The following APOD variants were observed in gnomAD, a reference collection of about 807,000 sequenced individuals.
APOD encodes apo-D.
A neutral mutation model predicts 20.4 loss-of-function variants in APOD; 22 were observed. That is an observed-to-expected ratio of 1.08 (90% CI 0.77 to 1.54). The LOEUF (loss-of-function observed/expected upper bound fraction) is 1.54, where lower values mean the gene tolerates loss of function less well. Among genes scored for constraint, APOD ranks in the 40% most tolerant of loss-of-function variants. APOD has a pLI of 0.00. For synonymous variants in APOD, 97 were observed against 92.4 expected, an observed-to-expected ratio of 1.05 and a Z score of -0.29; for missense variants, 223 against 229.6, an observed-to-expected ratio of 0.97 and a Z score of 0.19.
At chr3:195,579,776 G>A (rs1720304232) in intron 1 of APOD, among the ~76,000 whole-genome samples, 1 of 152,148 alleles carries the variant, frequency 6.6e-6, no homozygotes, top group South Asian at 2.1e-4. Context: ...GCATCTCCCA[G>A]GATGGGCACT....
At chr3:195,569,231 C>A in intron 4 of APOD, 96 bp from the exon 5 acceptor site, 3 of 979,304 alleles carry the variant, frequency 3.1e-6, no homozygotes, top group Non-Finnish European at 4.7e-6. Flanking sequence ...ACCCACCAAG[C>A]CCCCCACCTC....
chr3:195,573,896 A>G lies in APOD; in HGVS notation c.199T>C (p.Ser67Pro). ...ENGRCIQANY[S>P]LMENGKIKVL... is the part of the protein sequence containing the mutation. ...TTGATCTTTCCGTTTTCCATTAGTG[A>G]GTAGTTGGCCTGGATGCAGCGTCCA... Residue 67 changes from serine (S) to proline (P), a missense_variant, in exon 3 of 5, where the codon TCA (serine) becomes CCA (proline). Physicochemically the swap from Ser to Pro is moderately conservative, Grantham distance 74. Transcript: ENST00000343267. The G allele has an allele frequency of 1.2e-6, 2 of 1,614,154 alleles. No individual in the cohort carries two copies. The highest frequency in any genetic ancestry group is 1.7e-6 in the Non-Finnish European group (2 of 1,180,028).
chr3:195,579,371 G>A lies in APOD; in HGVS notation c.91C>T (p.Pro31Ser), dbSNP rs199897110. 31 of 1,614,150 alleles carry A rather than the reference G, an allele frequency of 1.9e-5. No individual in the cohort carries two copies. The East Asian group carries it at 5.3e-4, about 28-fold the overall frequency. Residue 31 changes from proline to serine, a missense_variant, in exon 2 of 5, where the codon CCT becomes TCT. Pro to Ser is a moderately conservative substitution (Grantham distance 74). Transcript: ENST00000343267. The part of the protein sequence containing the change: ...QAFHLGKCPN[P>S]PVQENFDVNK... ...ACGTCAAAATTCTCCTGCACCGGAG[G>A]ATTGGGGCACTTCCCAAGATGAAAT...
intron 1 of APOD, among the ~76,000 whole-genome samples, 190 bp from the exon 2 acceptor site, chr3:195,579,685 C>T (rs1006564547): frequency 1.1e-4 from 16 of 152,130 alleles, no homozygotes; most frequent in African/African-American, 3.9e-4. Context: ...TTCCTCAGAG[C>T]CTCTGCACCT....
At chr3:195,583,247 T>G (rs1275485900) in intron 1 of APOD, 1 of 152,186 alleles carries the variant, frequency 6.6e-6, no homozygotes, top group Non-Finnish European at 1.5e-5. Flanking sequence ...CAGGCTAGAA[T>G]GTAAGCCTAG....
intron 2 of APOD, among the ~76,000 whole-genome samples, chr3:195,575,721 G>A (rs772246384): frequency 6.6e-6 from 1 of 152,056 alleles, no homozygotes; most frequent in African/African-American, 2.4e-5. Flanking sequence ...TCTGCCTCCC[G>A]GGTGCAAGTG....
At chr3:195,576,630 C>T (rs1379391684) in intron 2 of APOD, among the ~76,000 whole-genome samples, 2 of 151,298 alleles carry the variant, frequency 1.3e-5, no homozygotes, top group Admixed American at 6.6e-5. Context: ...GCCAACATGG[C>T]GAGGCCCCAT....
chr3:195,576,399 G>A (rs1332706070), intron 2 of APOD, among the ~76,000 whole-genome samples: 1 of 152,186 alleles, frequency 6.6e-6, no homozygotes, highest in African/African-American at 2.4e-5. Flanking sequence ...AACTCTATCT[G>A]TTTGCAGATG....
intron 1 of APOD, among the ~76,000 whole-genome samples, chr3:195,581,215 G>A (rs1298208023): frequency 1.3e-5 from 2 of 152,174 alleles, no homozygotes; most frequent in African/African-American, 4.8e-5. Context: ...TGGGGTTGCT[G>A]CAGGGGGAGA....
chr3:195,574,186 C>G (rs780614538), intron 2 of APOD, among the ~76,000 whole-genome samples: 9 of 152,124 alleles, frequency 5.9e-5, no homozygotes, highest in Non-Finnish European at 1.2e-4. Context: ...GTAAAGGGCT[C>G]TTCTCAGGGC....
chr3:195,581,133 T>C (rs1720331146), intron 1 of APOD, among the ~76,000 whole-genome samples: 2 of 152,192 alleles, frequency 1.3e-5, no homozygotes. Flanking sequence ...AATCAATAGC[T>C]TTTTTTCCCC....
Position 195,568,766 on chromosome 3 carries a change from C to T in APOD, c.*134G>A. The T allele has an allele frequency of 1.5e-6, 1 of 661,886 alleles. No homozygotes were observed. Among genetic ancestry groups the T allele is most frequent in the South Asian group, 1.8e-5 (1 of 55,660 alleles). The allele number at this position is 661,886 out of a possible 1,614,324, so 41.0% of individuals were successfully genotyped here. On this transcript the variant is annotated 3_prime_UTR_variant, in exon 5 of 5. Coordinates refer to ENST00000343267, the MANE Select transcript of APOD (RefSeq NM_001647.4). ...GTTTATTTTGCAGCTAGCAAGGTAA[C>T]AGGGTAGGGCATGGTTACATGTTCA... is the stretch of plus-strand genomic sequence containing the variant.
chr3:195,582,665 A>G (rs1720359673), intron 1 of APOD: 1 of 152,160 alleles, frequency 6.6e-6, no homozygotes, highest in African/African-American at 2.4e-5. Flanking sequence ...TTGCTTGAAC[A>G]TGGGAGGCAG....
Position 195,568,769 on chromosome 3 carries a change from G to T in APOD, c.*131C>A. The T allele has an allele frequency of 1.4e-6, 1 of 690,564 alleles. No individual in the cohort carries two copies. Among genetic ancestry groups the T allele is most frequent in the East Asian group, 2.6e-5 (1 of 37,950 alleles). 42.8% of individuals were successfully genotyped at this position (690,564 alleles called of 1,614,324 possible). On this transcript the variant is annotated 3_prime_UTR_variant, in exon 5 of 5. Coordinates refer to ENST00000343267, the MANE Select transcript of APOD (RefSeq NM_001647.4). Reference sequence around the variant, plus strand: ...TATTTTGCAGCTAGCAAGGTAACAGGGTAGGGCATGGTTACATGTTCAGGT... The same window carrying T: ...TATTTTGCAGCTAGCAAGGTAACAGTGTAGGGCATGGTTACATGTTCAGGT...
At chr3:195,574,019 T>C (rs200371603) in intron 2 of APOD, 48 bp from the exon 3 acceptor site, 2 of 1,602,766 alleles carry the variant, frequency 1.2e-6, no homozygotes, top group South Asian at 1.1e-5. Context: ...TCTGGGGACC[T>C]GCAACTTCTT....
rs759914430 is a variant in APOD at position 195,571,280 on chromosome 3, AG to A, written c.330del (p.Trp111GlyfsTer53). ...CCTGGGAAAAGTGGATACTTACACCAGGAAAACTTAACTTCCAGCTTGGCAG... is the reference window on the plus strand; with the variant it reads ...CCTGGGAAAAGTGGATACTTACACCAGAAAACTTAACTTCCAGCTTGGCAG... ...TEPAKLEVKFSWFMPSAPYWI... is the reference protein window; with the variant it reads ...TEPAKLEVKFXWFMPSAPYWI... On this transcript the variant is annotated frameshift_variant, in exon 4 of 5. Transcript: ENST00000343267. LOFTEE classifies it high-confidence loss of function. 31 of 1,614,016 alleles carry A rather than the reference AG, an allele frequency of 1.9e-5. No individual in the cohort carries two copies. In the South Asian group the frequency reaches 3.4e-4, roughly 18 times the overall value.
intron 3 of APOD, among the ~76,000 whole-genome samples, chr3:195,571,822 C>T (rs1271077317): frequency 6.6e-6 from 1 of 152,032 alleles, no homozygotes; most frequent in African/African-American, 2.4e-5. Flanking sequence ...CTCTGTCCCC[C>T]AGGCTGGAGT....
intron 2 of APOD, among the ~76,000 whole-genome samples, chr3:195,576,209 C>A (rs1263677154): frequency 6.6e-6 from 1 of 152,184 alleles, no homozygotes; most frequent in East Asian, 1.9e-4. Context: ...GCATTCAAAT[C>A]TGTTCTATTT....
At chr3:195,580,865 G>T (rs1429778247) in intron 1 of APOD, among the ~76,000 whole-genome samples, 1 of 152,198 alleles carries the variant, frequency 6.6e-6, no homozygotes, top group Non-Finnish European at 1.5e-5. Flanking sequence ...CTGCAGGACT[G>T]TGTGCAGGTT....
Sources: gnomAD v4.1 joint callset for allele counts (sites outside exome capture counted in the v4.1 genomes callset) on GRCh38, gnomAD v4.1.1 for gene constraint, MANE v1.5 for transcripts, NCBI Gene and HGNC (gene_info 2026-07-23, HGNC 2026-07-21) for gene names.